The following SCHIP1 variants were observed in gnomAD, a reference collection of about 807,000 sequenced individuals.
SCHIP1 encodes the protein schwannomin interacting protein 1.
Under a neutral mutation model 29.7 loss-of-function variants are expected in SCHIP1, and 8 were observed. The observed-to-expected ratio is 0.27, with a 90% confidence interval of 0.16 to 0.49. The LOEUF is 0.49. Ranked by LOEUF, SCHIP1 falls within the 20% of genes least tolerant of loss-of-function variation. The pLI is 0.99. For synonymous variants in SCHIP1, 76 were observed against 94.9 expected (o/e 0.80, Z 1.16); for missense variants, 193 against 294.6 (o/e 0.66, Z 2.52).
chr3:159,362,975 A>T, the SCHIP1 span, among the ~76,000 whole-genome samples: 16 of 152,324 alleles, frequency 1.1e-4, no homozygotes, highest in Non-Finnish European at 1.6e-4. Flanking sequence ...TGCATGAGCA[A>T]GGAAGGGTGG....
chr3:159,538,171 G>A, the SCHIP1 span, among the ~76,000 whole-genome samples: 5 of 152,200 alleles, frequency 3.3e-5, no homozygotes, highest in South Asian at 2.1e-4. Flanking sequence ...TTTAAAGAAA[G>A]TAATCTAAGC....
chr3:159,600,550 A>C, the SCHIP1 span, among the ~76,000 whole-genome samples: 7 of 152,224 alleles, frequency 4.6e-5, no homozygotes, highest in African/African-American at 7.2e-5. Context: ...TTATTTAACA[A>C]AATATTTATC....
chr3:159,836,999 T>C (rs1743727673), upstream of SCHIP1, among the ~76,000 whole-genome samples: 1 of 152,242 alleles, frequency 6.6e-6, no homozygotes, highest in Non-Finnish European at 1.5e-5. Context: ...GAGAGTTTTT[T>C]TGACAGGATT....
the SCHIP1 span, among the ~76,000 whole-genome samples, chr3:159,729,146 AAAAAAAAGAAAAGAAAAG>A: frequency 2.9e-4 from 44 of 152,076 alleles, no homozygotes; most frequent in African/African-American, 6.3e-4. Flanking sequence ...GACTCTGTCT[AAAAAAAAGAAAAGAAAAG>A]AAAAAAAGAA....
the SCHIP1 span, among the ~76,000 whole-genome samples, chr3:159,701,053 T>C: frequency 6.6e-6 from 1 of 152,178 alleles, no homozygotes; most frequent in East Asian, 1.9e-4. Flanking sequence ...AGGGATGTTA[T>C]GCGATTAAAT....
chr3:159,467,243 A>C, the SCHIP1 span, among the ~76,000 whole-genome samples: 1 of 152,144 alleles, frequency 6.6e-6, no homozygotes, highest in Non-Finnish European at 1.5e-5. Context: ...TTGATTGCAT[A>C]TACATATAAC....
At chr3:159,702,422 C>T in the SCHIP1 span, among the ~76,000 whole-genome samples, 1 of 152,200 alleles carries the variant, frequency 6.6e-6, no homozygotes, top group Admixed American at 6.5e-5. Flanking sequence ...CCTAATACCC[C>T]AAGAAACTAT....
the SCHIP1 span, among the ~76,000 whole-genome samples, chr3:159,762,640 G>A: frequency 6.6e-6 from 1 of 152,144 alleles, no homozygotes; most frequent in East Asian, 1.9e-4. Flanking sequence ...AGAGAAAAGG[G>A]CATTTCCTAG....
chr3:159,786,710 C>CTGTG, the SCHIP1 span, among the ~76,000 whole-genome samples: 222 of 143,226 alleles, frequency 1.5e-3, no homozygotes, highest in African/African-American at 5.4e-3. Flanking sequence ...CGCGTGTGCA[C>CTGTG]TGTGTGTGTG....
At chr3:159,477,680 C>G in the SCHIP1 span, among the ~76,000 whole-genome samples, 1 of 152,048 alleles carries the variant, frequency 6.6e-6, no homozygotes, top group African/African-American at 2.4e-5. Flanking sequence ...GATGTTAACC[C>G]CTTATCAAAT....
chr3:159,637,371 C>CACACA, the SCHIP1 span, among the ~76,000 whole-genome samples: 1 of 134,576 alleles, frequency 7.4e-6, no homozygotes, highest in Non-Finnish European at 1.6e-5. Flanking sequence ...CCGGCCCCAG[C>CACACA]CACACACACA....
the SCHIP1 span, among the ~76,000 whole-genome samples, chr3:159,618,008 A>T: frequency 6.6e-6 from 1 of 152,194 alleles, no homozygotes; most frequent in South Asian, 2.1e-4. Flanking sequence ...CAGAAAAAAA[A>T]ATTTAGTGTT....
At chr3:159,781,806 T>A in the SCHIP1 span, among the ~76,000 whole-genome samples, 2 of 152,036 alleles carry the variant, frequency 1.3e-5, no homozygotes. Context: ...AAGGAGTCAC[T>A]TGTCATCCCT....
chr3:159,312,990 T>C, the SCHIP1 span, among the ~76,000 whole-genome samples: 6,362 of 152,290 alleles, frequency 0.042, 431 homozygotes, highest in African/African-American at 0.15. Context: ...ATATCCTTTC[T>C]TTTTTGCTAT....
At chr3:159,590,636 T>C in the SCHIP1 span, among the ~76,000 whole-genome samples, 1 of 152,090 alleles carries the variant, frequency 6.6e-6, no homozygotes, top group African/African-American at 2.4e-5. Flanking sequence ...TCCATCTCTA[T>C]GCATGGTGTG....
chr3:159,602,873 A>G, the SCHIP1 span, among the ~76,000 whole-genome samples: 1 of 152,194 alleles, frequency 6.6e-6, no homozygotes, highest in Non-Finnish European at 1.5e-5. Context: ...TCCCCACACC[A>G]AGCAAGCAAC....
chr3:159,789,868 C>T, the SCHIP1 span, among the ~76,000 whole-genome samples: 4 of 152,138 alleles, frequency 2.6e-5, no homozygotes, highest in African/African-American at 7.2e-5. Context: ...ACTAAAACTA[C>T]GGTGGTGAGC....
the SCHIP1 span, among the ~76,000 whole-genome samples, chr3:159,350,347 T>C: frequency 6.6e-6 from 1 of 152,172 alleles, no homozygotes. Context: ...TTTAAATGAA[T>C]TTTTGAACAT....
the SCHIP1 span, among the ~76,000 whole-genome samples, chr3:159,584,011 A>C: frequency 6.6e-6 from 1 of 152,188 alleles, no homozygotes; most frequent in Non-Finnish European, 1.5e-5. Context: ...AATACAAAGT[A>C]GGTTGCACAT....
Sources: gnomAD v4.1 joint callset for allele counts (sites outside exome capture counted in the v4.1 genomes callset) on GRCh38, gnomAD v4.1.1 for gene constraint, MANE v1.5 for transcripts, NCBI Gene and HGNC (gene_info 2026-07-23, HGNC 2026-07-21) for gene names.